The following LIMD1 variants were observed in gnomAD, a reference collection of about 807,000 sequenced individuals.
LIMD1 encodes the protein LIM domain containing 1.
LIMD1 carries 23 observed loss-of-function variants against 58.4 expected under a neutral mutation model. The observed-to-expected ratio is 0.39, with a 90% CI of 0.28 to 0.56. LIMD1 has a LOEUF of 0.56. Ranked by LOEUF, LIMD1 falls within the 20% of genes least tolerant of loss-of-function variation. The pLI is 0.57. For missense variants in LIMD1, 838 were observed against 855.5 expected (o/e 0.98, Z 0.25); for synonymous variants, 334 against 345.5 (o/e 0.97, Z 0.37).
At chr3:45,674,153 C>T (rs920206353) in intron 6 of LIMD1, among the ~76,000 whole-genome samples, 190 bp from the exon 7 acceptor site, 2 of 152,142 alleles carry the variant, frequency 1.3e-5, no homozygotes, top group Non-Finnish European at 2.9e-5. Flanking sequence ...ACTCCTATCC[C>T]TCCTACTTCC....
chr3:45,637,088 A>G (rs1162923422), intron 2 of LIMD1, among the ~76,000 whole-genome samples: 1 of 152,154 alleles, frequency 6.6e-6, no homozygotes, highest in Non-Finnish European at 1.5e-5. Flanking sequence ...GGTCTTTCTA[A>G]CCATCTGGCC....
intron 1 of LIMD1, among the ~76,000 whole-genome samples, chr3:45,602,491 T>G (rs1464764743): frequency 1.3e-5 from 2 of 152,276 alleles, no homozygotes; most frequent in East Asian, 3.9e-4. Context: ...GGCATTGTGT[T>G]TGGTTTTTCT....
chr3:45,640,075 G>A (rs372714765), intron 2 of LIMD1, among the ~76,000 whole-genome samples: 2 of 152,374 alleles, frequency 1.3e-5, no homozygotes. Flanking sequence ...ATTTCTTAAT[G>A]GATTGAGTTT....
chr3:45,619,762 A>G (rs902700617), intron 1 of LIMD1, among the ~76,000 whole-genome samples: 2 of 151,858 alleles, frequency 1.3e-5, no homozygotes, highest in South Asian at 2.1e-4. Context: ...TTGCACCACT[A>G]TACTCCAGCC....
intron 2 of LIMD1, among the ~76,000 whole-genome samples, chr3:45,663,320 C>T (rs1697468421): frequency 6.6e-6 from 1 of 152,114 alleles, no homozygotes; most frequent in Non-Finnish European, 1.5e-5. Context: ...AAGGGGCAAC[C>T]TTAGAAGTGT....
chr3:45,665,852 C>G, intron 3 of LIMD1, 135 bp downstream of exon 3: 1 of 752,728 alleles, frequency 1.3e-6, no homozygotes, highest in East Asian at 2.5e-5. Context: ...TCTGTAGATA[C>G]TTGGGGGTGG....
In LIMD1 at chr3:45,623,754, A is replaced by G. The variant is rs1701646595; in HGVS notation, c.1409-12396A>G. The stretch of plus-strand genomic sequence containing the variant: ...GCAGGGGATGTCCAGGATGCCAGGT[A>G]GGATGCAGGGTGTTGCGTTATCTAC... On this transcript the variant is annotated intron_variant, in intron 1 of 7. Transcript: ENST00000273317. Among the ~76,000 whole-genome samples the G allele has an allele frequency of 2.6e-5, 4 of 152,272 alleles. No homozygotes were observed. In the South Asian group the frequency reaches 8.3e-4, roughly 32 times the overall value.
rs778122676 is a variant in LIMD1, at chr3:45,674,409, G to A, written c.1891G>A (p.Glu631Lys). 8 of 1,612,946 alleles carry A rather than the reference G, an allele frequency of 5.0e-6. No homozygotes were observed. Among genetic ancestry groups the A allele is most frequent in the South Asian group, 3.3e-5 (3 of 91,014 alleles). ...RDYHVECYHC[E>K]DCGLELNDED... is the part of the protein sequence containing the mutation. Reference sequence around the variant, plus strand: ...CTACCACGTGGAGTGTTACCACTGCGAGGTAGACCCCTCCCCACCCAGCCC... The same window carrying A: ...CTACCACGTGGAGTGTTACCACTGCAAGGTAGACCCCTCCCCACCCAGCCC... The change falls in exon 7 of 8, where the codon GAG becomes AAG. Residue 631 changes from glutamate to lysine, a missense_variant and splice_region_variant. By Grantham distance (56) the Glu-to-Lys change is moderately conservative (BLOSUM62 1). This residue lies in a region of LIMD1 where 174 missense variants were observed against 197.4 expected (regional missense o/e 0.88). Transcript: ENST00000273317.
chr3:45,673,264 A>C (rs1323361531), intron 5 of LIMD1, among the ~76,000 whole-genome samples, 190 bp from the exon 6 acceptor site: 1 of 152,176 alleles, frequency 6.6e-6, no homozygotes, highest in African/African-American at 2.4e-5. Context: ...CAGTGTCCTC[A>C]TTGCAGCTGG....
In LIMD1 at chr3:45,658,535, C is replaced by CTTTTTTTTTTTTTTTT. The variant is rs10572210; in HGVS notation, c.1511-7098_1511-7083dup. Among the ~76,000 whole-genome samples the CTTTTTTTTTTTTTTTT allele has an allele frequency of 1.8e-4, 8 of 44,736 alleles. 1 individual carries two copies. Among genetic ancestry groups the CTTTTTTTTTTTTTTTT allele is most frequent in the Admixed American group, 4.5e-4 (1 of 2,234 alleles). The allele number at this position is 44,736 out of a possible 152,430, so 29.3% of individuals were successfully genotyped here. On this transcript the variant is annotated intron_variant, in intron 2 of 7. Transcript: ENST00000273317. The stretch of plus-strand genomic sequence containing the variant: ...AACCATCCCCTCCACCATGCAGATT[C>CTTTTTTTTTTTTTTTT]TTTTTTTTTTTTTTTTTTTTTTTTT...
chr3:45,632,473 G>A, intron 1 of LIMD1: 5 of 982,456 alleles, frequency 5.1e-6, no homozygotes, highest in Non-Finnish European at 6.0e-6. Context: ...GGTGTTCAGA[G>A]ATGAATAAGA....
chr3:45,674,426 A>G lies in LIMD1; in HGVS notation c.1893+15A>G. ...ACCACTGCGAGGTAGACCCCTCCCC[A>G]CCCAGCCCCCAAAGCCCATTGTAGA... On this transcript the variant is annotated intron_variant, in intron 7 of 7. Transcript: ENST00000273317. The G allele has an allele frequency of 8.3e-7, 1 of 1,201,814 alleles. No homozygotes were observed. Among genetic ancestry groups the G allele is most frequent in the Non-Finnish European group, 1.2e-6 (1 of 855,232 alleles). The allele number at this position is 1,201,814 out of a possible 1,614,324, so 74.4% of individuals were successfully genotyped here.
Position 45,639,414 on chromosome 3 carries a change from C to G in LIMD1, c.1510+3163C>G, listed in dbSNP as rs113631135. ...TGTTTGGACTGTTATAACAAAGTAC[C>G]ATACACTGGTTGGCTTATAAACAAT... is the stretch of plus-strand genomic sequence containing the variant. On this transcript the variant is annotated intron_variant, in intron 2 of 7. Transcript: ENST00000273317. 6.6e-3 allele frequency among the ~76,000 whole-genome samples: 1,011 copies of G among 152,234 alleles called. 18 individuals carry two copies. Among genetic ancestry groups the G allele is most frequent in the African/African-American group, 0.022 (898 of 41,534 alleles).
intron 1 of LIMD1, among the ~76,000 whole-genome samples, chr3:45,611,765 G>T (rs556482823): frequency 4.1e-4 from 63 of 152,294 alleles, no homozygotes; most frequent in African/African-American, 1.4e-3. Context: ...GCTTGCAGGT[G>T]GCAGGGACTT....
intron 2 of LIMD1, among the ~76,000 whole-genome samples, chr3:45,660,792 A>G (rs1208219489): frequency 6.6e-6 from 1 of 152,176 alleles, no homozygotes; most frequent in Admixed American, 6.5e-5. Context: ...TCACCCAGGT[A>G]GGTGTCCGAC....
chr3:45,674,863 G>A (rs150376681), intron 7 of LIMD1, among the ~76,000 whole-genome samples: 1 of 152,176 alleles, frequency 6.6e-6, no homozygotes, highest in Non-Finnish European at 1.5e-5. Flanking sequence ...GTCAGCTGGT[G>A]GTGTGAAGGC....
At position 45,595,087 on chromosome 3, in the gene LIMD1, C is replaced by G. The variant is rs775305920; in HGVS notation, c.208C>G (p.Leu70Val). The change falls in exon 1 of 8, where the codon CTG (leucine) becomes GTG (valine). Residue 70 changes from leucine (L) to valine (V), a missense_variant. Physicochemically the swap from Leu to Val is conservative, Grantham distance 32. Around this residue, in one of 3 missense-constraint regions of LIMD1, gnomAD observed 659 missense variants for 639.8 expected, o/e 1.03. Coordinates refer to ENST00000273317, the MANE Select transcript of LIMD1 (RefSeq NM_014240.3). ...QQQQLLQEETLPRGSRGPVNG... is the reference protein window; with the variant it reads ...QQQQLLQEETVPRGSRGPVNG... ...GCAGCAGCTCCTGCAGGAGGAGACT[C>G]TGCCCAGGGGGAGTAGAGGCCCTGT... 2 of 1,613,294 alleles carry G rather than the reference C, an allele frequency of 1.2e-6. No individual in the cohort carries two copies. The highest frequency in any genetic ancestry group is 1.7e-6 in the Non-Finnish European group (2 of 1,179,826).
At chr3:45,599,082 C>T (rs1306408494) in intron 1 of LIMD1, among the ~76,000 whole-genome samples, 1 of 152,126 alleles carries the variant, frequency 6.6e-6, no homozygotes, top group African/African-American at 2.4e-5. Context: ...TGTGTCTAAC[C>T]AGCATTGCCA....
rs141021338 is a variant in LIMD1 at position 45,650,660 on chromosome 3, C to T, written c.1510+14409C>T. Among the ~76,000 whole-genome samples, 443 of 152,184 alleles carry T rather than the reference C, an allele frequency of 2.9e-3. 14 individuals carry two copies. The East Asian group carries it at 0.055, about 19-fold the overall frequency. On this transcript the variant is annotated intron_variant, in intron 2 of 7. Transcript: ENST00000273317. ...GCTTCATCCATGTCCCCAAAAAGGA[C>T]ATGAACTCATCCTTTTTATGGCTGC...
Sources: allele counts gnomAD v4.1 joint callset (sites outside exome capture counted in the v4.1 genomes callset), GRCh38; gene constraint gnomAD v4.1.1; regional missense constraint gnomAD v4.1.1; transcripts MANE v1.5; gene names NCBI Gene and HGNC (gene_info 2026-07-23, HGNC 2026-07-21).